The following SUCLG2 variants were observed in gnomAD, a reference collection of about 807,000 sequenced individuals.
SUCLG2 encodes succinate-CoA ligase GDP-forming subunit beta.
In SUCLG2, 42 loss-of-function variants were observed where a neutral mutation model predicts 47.9. The observed-to-expected ratio is 0.88, with a 90% CI of 0.69 to 1.14. The LOEUF (loss-of-function observed/expected upper bound fraction) is 1.14. SUCLG2 is among the 50% of genes most tolerant of loss of function. The probability of loss-of-function intolerance (pLI) is 0.00; values close to 1 mark genes in which losing one functional copy is unlikely to be tolerated. For missense variants in SUCLG2, 571 were observed against 525.9 expected (o/e 1.09, Z -0.84); for synonymous variants, 195 against 197.3 (o/e 0.99, Z 0.10).
chr3:67,508,818 G>A lies in SUCLG2; in HGVS notation c.746C>T (p.Pro249Leu). 6.3e-7 allele frequency: 1 copy of A among 1,592,592 alleles called. No individual in the cohort carries two copies. Among genetic ancestry groups the A allele is most frequent in the East Asian group, 2.2e-5 (1 of 44,528 alleles). Residue 249 changes from proline (P) to leucine (L), a missense_variant, in exon 7 of 11, where the codon CCA (proline) becomes CTA (leucine). Pro to Leu is a moderately conservative substitution (Grantham distance 98). Coordinates refer to ENST00000307227, the MANE Select transcript of SUCLG2 (RefSeq NM_003848.4). ...TTTTTTTTTTTTACCTTGTCCTTCT[G>A]GAGTTTCACCAAAGGGATTCACTTC... ...QVEVNPFGET[P>L]EGQVVCFDAK...
At chr3:67,612,722 C>G (rs1700553224) in intron 1 of SUCLG2, among the ~76,000 whole-genome samples, 1 of 152,192 alleles carries the variant, frequency 6.6e-6, no homozygotes, top group African/African-American at 2.4e-5. Flanking sequence ...GCCGTATCTA[C>G]TACCTAGAGT....
rs542802990 is a variant in SUCLG2 at position 67,641,513 on chromosome 3, G to C, written c.84+12990C>G. ...TGCACCAACCTACAATTTCAGATGTGTTTGATCAAAAAAATCAACCACACC... is the reference window on the plus strand; with the variant it reads ...TGCACCAACCTACAATTTCAGATGTCTTTGATCAAAAAAATCAACCACACC... On this transcript the variant is annotated intron_variant, in intron 1 of 10. Transcript: ENST00000307227. Among the ~76,000 whole-genome samples the C allele has an allele frequency of 2.8e-3, 424 of 152,320 alleles. 2 individuals carry two copies. The highest frequency in any genetic ancestry group is 9.5e-3 in the African/African-American group (394 of 41,560).
chr3:67,641,100 C>G (rs1404223479), intron 1 of SUCLG2, among the ~76,000 whole-genome samples: 1 of 152,166 alleles, frequency 6.6e-6, no homozygotes, highest in Non-Finnish European at 1.5e-5. Context: ...TTATTCCAAT[C>G]TCTTGCTATT....
chr3:67,506,155 A>C (rs147445795), intron 7 of SUCLG2, among the ~76,000 whole-genome samples: 1,945 of 152,244 alleles, frequency 0.013, 40 homozygotes, highest in African/African-American at 0.044. Context: ...TCAGATTATA[A>C]ATATTAAGAT....
chr3:67,476,360 A>C, intron 9 of SUCLG2, among the ~76,000 whole-genome samples: 1 of 151,844 alleles, frequency 6.6e-6, no homozygotes. Flanking sequence ...CATGATCCCT[A>C]TTGTGAACTG....
At chr3:67,498,382 G>A (rs1482602317) in intron 7 of SUCLG2, 87 bp from the exon 8 acceptor site, 2 of 1,403,314 alleles carry the variant, frequency 1.4e-6, no homozygotes, top group African/African-American at 1.4e-5. Flanking sequence ...CAAGCGAAGG[G>A]AAAGTTAAGT....
intron 2 of SUCLG2, among the ~76,000 whole-genome samples, chr3:67,584,951 G>A (rs910902315): frequency 4.6e-5 from 7 of 152,026 alleles, no homozygotes; most frequent in African/African-American, 1.2e-4. Flanking sequence ...AGGATTATGG[G>A]AACTAAAATT....
At chr3:67,473,600 G>A (rs952753280) in intron 9 of SUCLG2, among the ~76,000 whole-genome samples, 2 of 152,142 alleles carry the variant, frequency 1.3e-5, no homozygotes, top group Admixed American at 6.5e-5. Context: ...CACATTAAGA[G>A]TGGATATTGC....
intron 9 of SUCLG2, among the ~76,000 whole-genome samples, chr3:67,448,242 G>A (rs4856787): frequency 0.78 from 118,975 of 152,128 alleles, 46,769 homozygotes; most frequent in Admixed American, 0.86. Flanking sequence ...ATGGAATGCA[G>A]TCATAAAAAT....
In SUCLG2 at chr3:67,495,958, G is replaced by T; in HGVS notation, c.920-18C>A. On this transcript the variant is annotated intron_variant, in intron 8 of 10. Transcript: ENST00000307227. ...ACCATTCACTGTGAAATGCAAATGG[G>T]ACACAAGACAGGCTACATTTAGCAA... The T allele has an allele frequency of 6.2e-7, 1 of 1,613,590 alleles. No homozygotes were observed. Among genetic ancestry groups the T allele is most frequent in the Non-Finnish European group, 8.5e-7 (1 of 1,179,756 alleles).
chr3:67,593,094 C>T (rs77650404), intron 2 of SUCLG2, among the ~76,000 whole-genome samples: 495 of 152,284 alleles, frequency 3.3e-3, no homozygotes, highest in African/African-American at 0.011. Flanking sequence ...ACGTCAACCT[C>T]CACATTTATT....
intron 10 of SUCLG2, among the ~76,000 whole-genome samples, chr3:67,377,576 G>T (rs1402471502): frequency 6.6e-6 from 1 of 152,186 alleles, no homozygotes; most frequent in African/African-American, 2.4e-5. Flanking sequence ...TTCACACTCG[G>T]TTTTCCTTGT....
chr3:67,466,008 C>G (rs1704460224), intron 9 of SUCLG2, among the ~76,000 whole-genome samples: 1 of 152,142 alleles, frequency 6.6e-6, no homozygotes, highest in South Asian at 2.1e-4. Flanking sequence ...CCAAGCAGTA[C>G]TCTTTTAATG....
intron 2 of SUCLG2, among the ~76,000 whole-genome samples, chr3:67,545,913 C>G (rs1706850403): frequency 6.6e-6 from 1 of 152,218 alleles, no homozygotes; most frequent in East Asian, 1.9e-4. Flanking sequence ...CACAGAACCA[C>G]TCCCAAATAA....
chr3:67,374,468 T>C (rs566525775), downstream of SUCLG2, among the ~76,000 whole-genome samples: 28 of 152,280 alleles, frequency 1.8e-4, no homozygotes, highest in African/African-American at 6.7e-4. Context: ...CAGACTGACA[T>C]CACAGTTCAA....
chr3:67,540,175 C>T (rs1219751957), intron 2 of SUCLG2, among the ~76,000 whole-genome samples: 1 of 151,726 alleles, frequency 6.6e-6, no homozygotes, highest in Non-Finnish European at 1.5e-5. Flanking sequence ...CTCTTTCTTG[C>T]TTTCTCCTGT....
intron 2 of SUCLG2, among the ~76,000 whole-genome samples, chr3:67,566,976 G>A (rs1368668687): frequency 6.6e-6 from 1 of 152,080 alleles, no homozygotes; most frequent in African/African-American, 2.4e-5. Flanking sequence ...CTTGAGCTCA[G>A]GAATTCAAGA....
chr3:67,387,685 C>A (rs1039708720), intron 10 of SUCLG2, among the ~76,000 whole-genome samples: 1 of 152,036 alleles, frequency 6.6e-6, no homozygotes, highest in Non-Finnish European at 1.5e-5. Context: ...CTGAAATATG[C>A]AAAATACCAC....
chr3:67,570,811 CCT>C (rs10576234), intron 2 of SUCLG2, among the ~76,000 whole-genome samples: 2,167 of 152,248 alleles, frequency 0.014, 56 homozygotes, highest in African/African-American at 0.05. Flanking sequence ...TTAGTTGTCT[CCT>C]CTTTCTTTGA....
Sources: gnomAD v4.1 joint callset for allele counts (sites outside exome capture counted in the v4.1 genomes callset) on GRCh38, gnomAD v4.1.1 for gene constraint, MANE v1.5 for transcripts, NCBI Gene and HGNC (gene_info 2026-07-23, HGNC 2026-07-21) for gene names.